The following ARHGAP5 variants were observed in gnomAD, a reference collection of about 807,000 sequenced individuals.
ARHGAP5 encodes Rho GTPase activating protein 5, also known as rho GTPase-activating protein 5.
Under a neutral mutation model 116.6 loss-of-function variants are expected in ARHGAP5, and 23 were observed. The observed-to-expected ratio is 0.20, with a 90% CI of 0.14 to 0.28. ARHGAP5 has a LOEUF of 0.28. Ranked by LOEUF, ARHGAP5 falls within the 10% of genes least tolerant of loss-of-function variation. ARHGAP5 has a pLI of 1.00. For synonymous variants in ARHGAP5, 574 were observed against 602.0 expected (o/e 0.95, Z 0.68); for missense variants, 1,405 against 1,774.8 (o/e 0.79, Z 3.74).
intron 2 of ARHGAP5, among the ~76,000 whole-genome samples, chr14:32,111,959 C>T (rs188049940): frequency 8.0e-4 from 121 of 150,444 alleles, no homozygotes; most frequent in African/African-American, 2.5e-3. Flanking sequence ...CCTCAGACTA[C>T]AGGCTCACGC....
At chr14:32,115,566 T>C (rs1216867388) in intron 2 of ARHGAP5, among the ~76,000 whole-genome samples, 1 of 147,586 alleles carries the variant, frequency 6.8e-6, no homozygotes, top group African/African-American at 2.5e-5. Context: ...CTCAGGAGGC[T>C]GAGGCAGGAG....
chr14:32,102,378 T>C (rs950302035), intron 2 of ARHGAP5, among the ~76,000 whole-genome samples: 2 of 151,848 alleles, frequency 1.3e-5, no homozygotes, highest in African/African-American at 4.8e-5. Context: ...TGAATTTAGG[T>C]CTGACCAGCC....
chr14:32,127,102 A>G (rs980355732), intron 3 of ARHGAP5, among the ~76,000 whole-genome samples: 1 of 150,632 alleles, frequency 6.6e-6, no homozygotes, highest in Non-Finnish European at 1.5e-5. Flanking sequence ...GGTTCAAGTG[A>G]TTCTCCTGCC....
chr14:32,158,741 TTTTC>T lies in ARHGAP5; in HGVS notation c.*3795_*3798del, dbSNP rs1369854371. 6.6e-6 allele frequency: 1 copy of T among 151,970 alleles called. No homozygotes were observed. The highest frequency in any genetic ancestry group is 1.5e-5 in the Non-Finnish European group (1 of 67,888). 9.4% of individuals were successfully genotyped at this position (151,970 alleles called of 1,614,324 possible). A position where few individuals can be genotyped will look rare whatever the true frequency, so the allele number is the denominator to read the frequency against. On this transcript the variant is annotated 3_prime_UTR_variant, in exon 7 of 7. Transcript: ENST00000345122. Reference sequence around the variant, plus strand: ...GGTTATGAAATACCTGAAAGTAAAATTTTCTAAGATTTAATAAGGGAAGATACTA... The same window carrying T: ...GGTTATGAAATACCTGAAAGTAAAATTAAGATTTAATAAGGGAAGATACTA...
Position 32,091,753 on chromosome 14 carries a change from T to G in ARHGAP5, c.1084T>G (p.Ser362Ala). 6.2e-7 allele frequency: 1 copy of G among 1,613,648 alleles called. No homozygotes were observed. The highest frequency in any genetic ancestry group is 8.5e-7 in the Non-Finnish European group (1 of 1,179,670). The change falls in exon 2 of 7, where the codon TCA becomes GCA. Residue 362 changes from serine to alanine, a missense_variant. Around this residue, in one of 6 missense-constraint regions of ARHGAP5, gnomAD observed 944 missense variants for 1,095.3 expected, o/e 0.86. Transcript: ENST00000345122. ...NLEEIEHLNW[S>A]EALKLMEKRA... is the part of the protein sequence containing the mutation. ...AGAAGAGATTGAACATTTGAATTGG[T>G]CAGAAGCTTTGAAGTTAATGGAAAA...
rs1878241171 is a variant in ARHGAP5 at position 32,091,442 on chromosome 14, A to G, written c.773A>G (p.Tyr258Cys). Residue 258 changes from tyrosine to cysteine, a missense_variant, in exon 2 of 7, where the codon TAT becomes TGT. Physicochemically the swap from Tyr to Cys is radical, Grantham distance 194. This residue lies in a region of ARHGAP5 where 190 missense variants were observed against 314.9 expected (regional missense o/e 0.60). Coordinates refer to ENST00000345122, the MANE Select transcript of ARHGAP5 (RefSeq NM_001030055.2). ...CGTAGCAAGCCTAAAATTATTCCCT[A>G]TTTGGATGCTTATAAAACACAGAGA... ...KTRSKPKIIPYLDAYKTQRQL... is the reference protein window; with the variant it reads ...KTRSKPKIIPCLDAYKTQRQL... 1 of 1,611,972 alleles carries G rather than the reference A, an allele frequency of 6.2e-7. No individual in the cohort carries two copies. The highest frequency in any genetic ancestry group is 1.3e-5 in the African/African-American group (1 of 74,786).
At chr14:32,101,652 CAAA>C (rs779208798) in intron 2 of ARHGAP5, among the ~76,000 whole-genome samples, 2 of 97,644 alleles carry the variant, frequency 2.0e-5, no homozygotes, top group African/African-American at 3.7e-5. Context: ...TTGTGAAGGC[CAAA>C]AAAAAAAAAA....
rs1330607141 is a variant in ARHGAP5 at position 32,122,275 on chromosome 14, C to T, written c.3865+4988C>T. On this transcript the variant is annotated intron_variant, in intron 3 of 6. Coordinates refer to ENST00000345122, the MANE Select transcript of ARHGAP5 (RefSeq NM_001030055.2). ...GCATTTCCCTGATGACTAATGATGC[C>T]GAACATCTTTTTAAGTGCTTTATTG... 3.9e-5 allele frequency among the ~76,000 whole-genome samples: 6 copies of T among 152,168 alleles called. No homozygotes were observed. The East Asian group carries it at 5.8e-4, about 15-fold the overall frequency.
In ARHGAP5 at chr14:32,077,901, C is replaced by G. The variant is rs548884205; in HGVS notation, c.-169+466C>G. Among the ~76,000 whole-genome samples, 11 of 152,284 alleles carry G rather than the reference C, an allele frequency of 7.2e-5. No individual in the cohort carries two copies. In the South Asian group the frequency reaches 2.3e-3, roughly 32 times the overall value. On this transcript the variant is annotated intron_variant, in intron 1 of 6. Coordinates refer to ENST00000345122, the MANE Select transcript of ARHGAP5 (RefSeq NM_001030055.2). Reference sequence around the variant, plus strand: ...GTGCAGATTCGCGGAAACACAGTCTCGGTTGCAAACTTAAACGCCTTGTAG... The same window carrying G: ...GTGCAGATTCGCGGAAACACAGTCTGGGTTGCAAACTTAAACGCCTTGTAG...
chr14:32,109,047 G>GT (rs1331179519), intron 2 of ARHGAP5, among the ~76,000 whole-genome samples: 1 of 152,066 alleles, frequency 6.6e-6, no homozygotes, highest in Middle Eastern at 3.2e-3. Context: ...TGTCAAGTGA[G>GT]TTTGCTTGTA....
At chr14:32,111,219 G>A (rs796678766) in intron 2 of ARHGAP5, among the ~76,000 whole-genome samples, 3 of 152,278 alleles carry the variant, frequency 2.0e-5, no homozygotes, top group African/African-American at 4.8e-5. Context: ...AACTATAATC[G>A]TGCCACTGCA....
intron 3 of ARHGAP5, among the ~76,000 whole-genome samples, chr14:32,134,202 T>C (rs1227396207): frequency 6.6e-6 from 1 of 152,184 alleles, no homozygotes; most frequent in Non-Finnish European, 1.5e-5. Flanking sequence ...TATGTTTTCA[T>C]GTCATGAATT....
At chr14:32,126,560 C>T (rs1317027826) in intron 3 of ARHGAP5, among the ~76,000 whole-genome samples, 1 of 152,168 alleles carries the variant, frequency 6.6e-6, no homozygotes, top group African/African-American at 2.4e-5. Context: ...GATCTATTCC[C>T]AATAAGGTCA....
chr14:32,143,205 T>A (rs940042078), intron 3 of ARHGAP5, among the ~76,000 whole-genome samples: 16 of 125,000 alleles, frequency 1.3e-4, no homozygotes, highest in African/African-American at 4.5e-4. Context: ...TTATTTTAGT[T>A]GTTGTTGTTG....
rs1283013457 is a variant in ARHGAP5, at chr14:32,101,622, T to G, written c.3717+7236T>G. On this transcript the variant is annotated intron_variant, in intron 2 of 6. Transcript: ENST00000345122. ...AGTGTTCACATCTGAGAGAACCTGATTTAGGTTCTTGAAAGAATTTTGTGA... is the reference window on the plus strand; with the variant it reads ...AGTGTTCACATCTGAGAGAACCTGAGTTAGGTTCTTGAAAGAATTTTGTGA... 2.0e-5 allele frequency among the ~76,000 whole-genome samples: 3 copies of G among 151,900 alleles called. No homozygotes were observed. In the East Asian group the frequency reaches 5.8e-4, roughly 29 times the overall value.
rs1266800325 is a variant in ARHGAP5, at chr14:32,156,372, A to G, written c.*1424A>G. 2 of 152,374 alleles carry G rather than the reference A, an allele frequency of 1.3e-5. No homozygotes were observed. Among genetic ancestry groups the G allele is most frequent in the Non-Finnish European group, 2.9e-5 (2 of 67,840 alleles). 9.4% of individuals were successfully genotyped at this position (152,374 alleles called of 1,614,324 possible). On this transcript the variant is annotated 3_prime_UTR_variant, in exon 7 of 7. Transcript: ENST00000345122. ...AGTAAATAGATGATTTTCAGATTCA[A>G]GGCTCCTAAGAGTTTGATTTGCTCT...
At chr14:32,082,732 G>A (rs1167363848) in intron 1 of ARHGAP5, among the ~76,000 whole-genome samples, 1 of 152,164 alleles carries the variant, frequency 6.6e-6, no homozygotes, top group African/African-American at 2.4e-5. Flanking sequence ...TAGAGATGGG[G>A]TTTCACCATG....
At chr14:32,128,174 G>A (rs1880284019) in intron 3 of ARHGAP5, among the ~76,000 whole-genome samples, 1 of 151,588 alleles carries the variant, frequency 6.6e-6, no homozygotes. Flanking sequence ...TGACGGCCGG[G>A]AAGAGGCGCT....
chr14:32,117,765 A>G (rs1879677069), intron 3 of ARHGAP5, among the ~76,000 whole-genome samples: 1 of 152,218 alleles, frequency 6.6e-6, no homozygotes, highest in Admixed American at 6.5e-5. Context: ...CTAGCTTGAC[A>G]TGGTTTATAT....
Sources: gnomAD v4.1 joint callset for allele counts (sites outside exome capture counted in the v4.1 genomes callset) on GRCh38, gnomAD v4.1.1 for gene constraint, gnomAD v4.1.1 regional missense constraint, MANE v1.5 for transcripts, NCBI Gene and HGNC (gene_info 2026-07-23, HGNC 2026-07-21) for gene names.